The following GOSR2 variants were observed in gnomAD, a reference collection of about 807,000 sequenced individuals.
GOSR2 encodes the protein 27 kDa Golgi SNARE protein.
Under a neutral mutation model 27.9 loss-of-function variants are expected in GOSR2, and 20 were observed. That is an observed-to-expected ratio of 0.72 (90% CI 0.50 to 1.04). The LOEUF (loss-of-function observed/expected upper bound fraction) is 1.04. GOSR2 is among the 50% of genes least tolerant of loss of function. GOSR2 has a pLI of 0.00. For synonymous variants in GOSR2, 91 were observed against 98.8 expected, an observed-to-expected ratio of 0.92 and a Z score of 0.47; for missense variants, 261 against 270.5, an observed-to-expected ratio of 0.97 and a Z score of 0.25.
chr17:46,932,250 G>T (rs750909098), intron 4 of GOSR2, 51 bp downstream of exon 4: 2 of 1,609,024 alleles, frequency 1.2e-6, no homozygotes, highest in Non-Finnish European at 8.5e-7. Context: ...GATCGTGGGG[G>T]CTGGAGTTCA....
chr17:46,950,474 C>A (rs1225720436), intron 6 of GOSR2, among the ~76,000 whole-genome samples: 1 of 152,176 alleles, frequency 6.6e-6, no homozygotes, highest in Non-Finnish European at 1.5e-5. Flanking sequence ...ATTGCTTTTT[C>A]CTTCACACTT....
rs1189596801 is a variant in GOSR2, at chr17:46,935,063, T to C, written c.371T>C (p.Leu124Pro). The C allele has an allele frequency of 6.2e-6, 10 of 1,611,924 alleles. No homozygotes were observed. The highest frequency in any genetic ancestry group is 2.7e-5 in the African/African-American group (2 of 74,890). ...SDTTIPMDES[L>P]QFNSSLQKVH... ...ACCACCATACCAATGGACGAATCACTGCAGTTTAACTCCTCCCTCCAGAAA... is the reference window on the plus strand; with the variant it reads ...ACCACCATACCAATGGACGAATCACCGCAGTTTAACTCCTCCCTCCAGAAA... The change falls in exon 5 of 6, where the codon CTG (leucine) becomes CCG (proline). Residue 124 changes from leucine to proline, a missense_variant. Coordinates refer to ENST00000640051, the MANE Select transcript of GOSR2 (RefSeq NM_004287.5).
chr17:46,966,533 G>A lies in GOSR2; in HGVS notation c.584-1G>A. 2.9e-6 allele frequency: 2 copies of A among 690,562 alleles called. No homozygotes were observed. The highest frequency in any genetic ancestry group is 5.5e-5 in the East Asian group (2 of 36,252). The allele number at this position is 690,562 out of a possible 1,614,324, so 42.8% of individuals were successfully genotyped here. On this transcript the variant is annotated splice_acceptor_variant, in intron 6 of 6. Transcript: ENST00000573224. LOFTEE classifies it high-confidence loss of function. ...CGATTAATTTTTTGTATTTTTTGCAGAGACAAGGTCTCACCATGTTGCCCA... is the reference window on the plus strand; with the variant it reads ...CGATTAATTTTTTGTATTTTTTGCAAAGACAAGGTCTCACCATGTTGCCCA...
chr17:46,931,552 T>G, intron 3 of GOSR2: 1 of 370,868 alleles, frequency 2.7e-6, no homozygotes, highest in South Asian at 3.3e-5. Flanking sequence ...TGGGTTCTTC[T>G]TGGGTTGAAA....
rs1484939270 is a variant in GOSR2 at position 46,940,255 on chromosome 17, G to A, written c.*1495G>A. The A allele has an allele frequency of 6.3e-6, 9 of 1,424,532 alleles. No homozygotes were observed. Among genetic ancestry groups the A allele is most frequent in the Non-Finnish European group, 8.2e-6 (9 of 1,093,772 alleles). 88.2% of individuals were successfully genotyped at this position (1,424,532 alleles called of 1,614,324 possible). ...CCTGGATGCTAATTTCACACTTTCG[G>A]TTGGAGGAGATCTCCATTGTTCCTA... On this transcript the variant is annotated 3_prime_UTR_variant, in exon 6 of 6. Transcript: ENST00000640051.
At chr17:46,949,391 C>A (rs1018656923) in intron 6 of GOSR2, 1 of 152,136 alleles carries the variant, frequency 6.6e-6, no homozygotes, top group Non-Finnish European at 1.5e-5. Context: ...TGTGTACTTT[C>A]TATGACCAAG....
At position 46,941,434 on chromosome 17, in the gene GOSR2, C is replaced by T. The variant is rs557484958; in HGVS notation, c.*2674C>T. On this transcript the variant is annotated 3_prime_UTR_variant, in exon 6 of 6. Transcript: ENST00000640051. ...GCCCCCTTTTTTTATGTTTCTAGGCCAGAGATTCTCAAACACTGCTCCATG... is the reference window on the plus strand; with the variant it reads ...GCCCCCTTTTTTTATGTTTCTAGGCTAGAGATTCTCAAACACTGCTCCATG... 2 of 984,068 alleles carry T rather than the reference C, an allele frequency of 2.0e-6. No individual in the cohort carries two copies. The highest frequency in any genetic ancestry group is 6.1e-5 in the Admixed American group (1 of 16,270). 61.0% of individuals were successfully genotyped at this position (984,068 alleles called of 1,614,324 possible).
At chr17:46,934,066 C>T (rs550046197) in intron 4 of GOSR2, among the ~76,000 whole-genome samples, 1 of 152,282 alleles carries the variant, frequency 6.6e-6, no homozygotes, top group South Asian at 2.1e-4. Context: ...AGTCCACTTT[C>T]AGAGCAAAAG....
chr17:46,954,460 C>A (rs1294009315), intron 6 of GOSR2, among the ~76,000 whole-genome samples: 1 of 152,230 alleles, frequency 6.6e-6, no homozygotes, highest in Non-Finnish European at 1.5e-5. Context: ...AGTTTGAAAT[C>A]AGGCAGTGTG....
At chr17:46,929,176 T>C (rs2086937669) in intron 1 of GOSR2, among the ~76,000 whole-genome samples, 2 of 152,220 alleles carry the variant, frequency 1.3e-5, no homozygotes, top group South Asian at 4.1e-4. Flanking sequence ...GTTTGAGGTT[T>C]ATCACTTGCT....
intron 6 of GOSR2, among the ~76,000 whole-genome samples, chr17:46,956,952 A>C (rs1239786283): frequency 6.6e-6 from 1 of 152,194 alleles, no homozygotes; most frequent in East Asian, 1.9e-4. Flanking sequence ...CACAAGAAGG[A>C]AAAATAGCTG....
At chr17:46,965,311 TG>T (rs1245658841) in intron 6 of GOSR2, among the ~76,000 whole-genome samples, 1 of 152,232 alleles carries the variant, frequency 6.6e-6, no homozygotes, top group East Asian at 1.9e-4. Context: ...GCATCCTCCC[TG>T]GTGCCCTGCT....
chr17:46,961,543 AAAG>A (rs1478504310), intron 6 of GOSR2, among the ~76,000 whole-genome samples: 2 of 152,228 alleles, frequency 1.3e-5, no homozygotes, highest in African/African-American at 4.8e-5. Context: ...TCTGTTAAAA[AAAG>A]AAGCAAATGA....
At chr17:46,925,731 T>G (rs185055571) in intron 1 of GOSR2, among the ~76,000 whole-genome samples, 75 of 152,300 alleles carry the variant, frequency 4.9e-4, no homozygotes, top group Non-Finnish European at 9.0e-4. Context: ...TTACTGGAAC[T>G]TTGAACCCAG....
intron 1 of GOSR2, chr17:46,923,728 T>C (rs2086060666): frequency 6.6e-6 from 3 of 454,312 alleles, no homozygotes; most frequent in African/African-American, 6.0e-5. Context: ...GCATTCACTA[T>C]TATTACTTGT....
intron 6 of GOSR2, among the ~76,000 whole-genome samples, chr17:46,947,858 T>A (rs1396511829): frequency 6.6e-6 from 1 of 152,158 alleles, no homozygotes; most frequent in Non-Finnish European, 1.5e-5. Flanking sequence ...AACCTCCGCC[T>A]CCCGGGTTCA....
intron 6 of GOSR2, among the ~76,000 whole-genome samples, chr17:46,957,735 G>A (rs760788553): frequency 1.3e-5 from 2 of 152,204 alleles, no homozygotes; most frequent in Non-Finnish European, 2.9e-5. Context: ...ATTGATGGCA[G>A]CCCCAGGATG....
chr17:46,966,481 G>A (rs2091326406), intron 6 of GOSR2: 1 of 657,458 alleles, frequency 1.5e-6, no homozygotes, highest in East Asian at 2.8e-5. Flanking sequence ...CAGGGTAGTT[G>A]GAACTACAGG....
intron 6 of GOSR2, among the ~76,000 whole-genome samples, chr17:46,948,246 G>C (rs2090067616): frequency 6.6e-6 from 1 of 152,228 alleles, no homozygotes; most frequent in Non-Finnish European, 1.5e-5. Flanking sequence ...CAGGGCAGCT[G>C]TGGCCAGTGC....
Sources: gnomAD v4.1 joint callset for allele counts (sites outside exome capture counted in the v4.1 genomes callset) on GRCh38, gnomAD v4.1.1 for gene constraint, MANE v1.5 for transcripts, NCBI Gene and HGNC (gene_info 2026-07-23, HGNC 2026-07-21) for gene names.